Variants in CTPS2 observed in about 807,000 individuals in gnomAD.
CTPS2 encodes the protein CTP synthase 2.
In CTPS2, 19 loss-of-function variants were observed where a neutral mutation model predicts 46.8. That is an observed-to-expected ratio of 0.41 (90% CI 0.28 to 0.60). CTPS2 has a LOEUF of 0.60. CTPS2 is among the 20% of genes least tolerant of loss of function. CTPS2 has a pLI of 0.35. For missense variants in CTPS2, 286 were observed against 447.6 expected (o/e 0.64, Z 3.26); for synonymous variants, 151 against 165.2 (o/e 0.91, Z 0.66).
At chrX:16,667,817 T>C in intron 11 of CTPS2, 93 bp from the exon 12 acceptor site, 1 of 791,222 alleles carries the variant, frequency 1.3e-6, no homozygotes, top group Non-Finnish European at 1.9e-6. Context: ...CTCCCCTATC[T>C]AGAATGCAGA....
chrX:16,635,404 G>A (rs1387774297), intron 14 of CTPS2, among the ~76,000 whole-genome samples: 2 of 111,981 alleles, frequency 1.8e-5, no homozygotes, highest in East Asian at 2.8e-4. Flanking sequence ...CAGGCACGGC[G>A]GCTCATGCCT....
intron 13 of CTPS2, chrX:16,651,192 AG>A: frequency 3.4e-6 from 1 of 290,897 alleles, no homozygotes; most frequent in Non-Finnish European, 6.9e-6. Flanking sequence ...GTGGGAGGGG[AG>A]GGAGGGAGGG....
chrX:16,673,292 T>C (rs1437445699), intron 10 of CTPS2, among the ~76,000 whole-genome samples: 3 of 111,638 alleles, frequency 2.7e-5, no homozygotes, highest in Non-Finnish European at 5.6e-5. Flanking sequence ...AGGACCCCTG[T>C]AAGCCTGCTG....
At chrX:16,635,042 A>AT (rs1158838454) in intron 14 of CTPS2, among the ~76,000 whole-genome samples, 1 of 110,584 alleles carries the variant, frequency 9.0e-6, no homozygotes, top group Non-Finnish European at 1.9e-5. Flanking sequence ...TCAAGGCATT[A>AT]TTTTTTACTA....
At chrX:16,692,971 C>T (rs1329263360) in intron 6 of CTPS2, among the ~76,000 whole-genome samples, 170 bp downstream of exon 6, 1 of 108,377 alleles carries the variant, frequency 9.2e-6, no homozygotes. Context: ...ACAGGAGAAT[C>T]GCTTGAACCC....
At chrX:16,642,338 G>A (rs1932120121) in intron 13 of CTPS2, among the ~76,000 whole-genome samples, 1 of 111,765 alleles carries the variant, frequency 8.9e-6, no homozygotes, top group Admixed American at 9.6e-5. Context: ...AGAAGAGGTG[G>A]GAAGCAGGTG....
chrX:16,673,072 G>C (rs1415762093), intron 10 of CTPS2, among the ~76,000 whole-genome samples: 1 of 105,912 alleles, frequency 9.4e-6, no homozygotes, highest in Non-Finnish European at 1.9e-5. Flanking sequence ...ATTTTTAGTA[G>C]AGACGGGGTT....
At chrX:16,666,238 C>T (rs1271515954) in intron 13 of CTPS2, among the ~76,000 whole-genome samples, 3 of 112,100 alleles carry the variant, frequency 2.7e-5, no homozygotes, top group Non-Finnish European at 3.8e-5. Flanking sequence ...CATCATCTTG[C>T]AGAACTCGCT....
At chrX:16,687,492 AAAG>A (rs1441468724) in intron 8 of CTPS2, among the ~76,000 whole-genome samples, 1 of 107,891 alleles carries the variant, frequency 9.3e-6, no homozygotes, top group Non-Finnish European at 1.9e-5. Context: ...AAAAAAAAAA[AAAG>A]AAAGAAAAGA....
At chrX:16,660,963 T>C (rs1932932766) in intron 13 of CTPS2, among the ~76,000 whole-genome samples, 1 of 100,341 alleles carries the variant, frequency 1.0e-5, no homozygotes, top group Admixed American at 1.1e-4. Flanking sequence ...ATAGCTGCAT[T>C]TTTTTTTTTT....
intron 13 of CTPS2, among the ~76,000 whole-genome samples, chrX:16,651,443 C>G (rs1444894901): frequency 9.0e-6 from 1 of 111,669 alleles, no homozygotes; most frequent in African/African-American, 3.3e-5. Flanking sequence ...CCCAATAAGG[C>G]CTTCAGCATG....
At chrX:16,644,668 T>C (rs1368977944) in intron 13 of CTPS2, among the ~76,000 whole-genome samples, 1 of 111,922 alleles carries the variant, frequency 8.9e-6, no homozygotes, top group Non-Finnish European at 1.9e-5. Flanking sequence ...AAATGGATTC[T>C]CTCGTACACC....
chrX:16,670,495 A>G (rs1305788327), intron 11 of CTPS2, 85 bp downstream of exon 11: 4 of 678,650 alleles, frequency 5.9e-6, no homozygotes, highest in Non-Finnish European at 9.0e-6. Context: ...TCACACCTTT[A>G]CGATAACAAA....
intron 12 of CTPS2, 21 bp downstream of exon 12, chrX:16,667,641 A>T: frequency 8.3e-7 from 1 of 1,210,076 alleles, no homozygotes; most frequent in East Asian, 3.0e-5. Flanking sequence ...ATAAATGGTC[A>T]TTAGCAAACC....
chrX:16,684,509 C>CAAAAAAAAAAAAAAAAAA (rs1334791360), intron 8 of CTPS2, among the ~76,000 whole-genome samples: 2 of 70,068 alleles, frequency 2.9e-5, no homozygotes, highest in Non-Finnish European at 2.8e-5. Flanking sequence ...ACTCTGTCTC[C>CAAAAAAAAAAAAAAAAAA]AAAAAAAAAA....
chrX:16,596,144 G>A (rs1417201288), intron 17 of CTPS2, among the ~76,000 whole-genome samples: 7 of 111,244 alleles, frequency 6.3e-5, no homozygotes, highest in Non-Finnish European at 1.3e-4. Flanking sequence ...AAAGTACTGG[G>A]ATTACAGGTG....
Position 16,689,325 on chromosome X carries a change from T to C in CTPS2, c.872+125A>G, listed in dbSNP as rs777865114. The C allele has an allele frequency of 3.5e-5, 21 of 603,738 alleles. No homozygotes were observed. In the East Asian group the frequency reaches 6.6e-4, roughly 19 times the overall value. The allele number at this position is 603,738 out of a possible 1,213,427, so 49.8% of individuals were successfully genotyped here. A position where few individuals can be genotyped will look rare whatever the true frequency, so the allele number is the denominator to read the frequency against. On this transcript the variant is annotated intron_variant, in intron 8 of 18. Coordinates refer to ENST00000359276, the MANE Select transcript of CTPS2 (RefSeq NM_175859.3). Reference sequence around the variant, plus strand: ...CAACAGTATGCTCCATCTTTAGACATATCCAGACCAAAATGTGCACACGCA... The same window carrying C: ...CAACAGTATGCTCCATCTTTAGACACATCCAGACCAAAATGTGCACACGCA...
intron 6 of CTPS2, among the ~76,000 whole-genome samples, chrX:16,692,241 G>A (rs888810976): frequency 9.1e-6 from 1 of 109,922 alleles, no homozygotes; most frequent in African/African-American, 3.3e-5. Flanking sequence ...CCAGGAGTTC[G>A]AGACCAGCCT....
rs4831047 is a variant in CTPS2, at chrX:16,619,151, C to T, written c.1449+1126G>A. On this transcript the variant is annotated intron_variant, in intron 15 of 18. Coordinates refer to ENST00000359276, the MANE Select transcript of CTPS2 (RefSeq NM_175859.3). ...ATTATGTTCCTTGGTCATAGTGACA[C>T]TGTTCATTGCCTACTTGGCATTGAT... 3.0e-3 allele frequency among the ~76,000 whole-genome samples: 336 copies of T among 112,374 alleles called. 3 individuals carry two copies. Among genetic ancestry groups the T allele is most frequent in the Admixed American group, 0.023 (243 of 10,601 alleles).
Sources: allele counts gnomAD v4.1 joint callset (sites outside exome capture counted in the v4.1 genomes callset), GRCh38; gene constraint gnomAD v4.1.1; transcripts MANE v1.5; gene names NCBI Gene and HGNC (gene_info 2026-07-23, HGNC 2026-07-21).